DLGAP2: variants seen among roughly 807,000 people sequenced by gnomAD.
DLGAP2 encodes the protein disks large-associated protein 2.
In DLGAP2, 26 loss-of-function variants were observed where a neutral mutation model predicts 100.3. The ratio of observed to expected loss-of-function variants is 0.26; its 90% CI spans 0.19 to 0.36. DLGAP2 has a LOEUF of 0.36. DLGAP2 is among the 10% of genes least tolerant of loss of function. The pLI, the probability that DLGAP2 is intolerant of heterozygous loss-of-function variation, is 1.00. For synonymous variants in DLGAP2, 886 were observed against 630.1 expected (o/e 1.41, Z -6.08); for missense variants, 1,858 against 1,453.2 (o/e 1.28, Z -4.53).
chr8:1,554,378 G>A (rs140930250), intron 5 of DLGAP2, among the ~76,000 whole-genome samples: 15 of 152,320 alleles, frequency 9.8e-5, no homozygotes, highest in African/African-American at 3.6e-4. Flanking sequence ...CTTTCTGCCC[G>A]ATCTGGGGTG....
intron 4 of DLGAP2, among the ~76,000 whole-genome samples, chr8:1,538,573 A>G (rs1801234240): frequency 6.6e-6 from 1 of 152,202 alleles, no homozygotes; most frequent in Admixed American, 6.5e-5. Context: ...CTGTGCAGGT[A>G]CAGAACAGAT....
intron 3 of DLGAP2, among the ~76,000 whole-genome samples, chr8:1,286,039 G>C (rs1375023054): frequency 6.6e-6 from 1 of 152,170 alleles, no homozygotes; most frequent in East Asian, 1.9e-4. Context: ...GTTTGGATCT[G>C]TGACTGCACC....
chr8:1,409,074 A>G (rs1393624781), intron 3 of DLGAP2, among the ~76,000 whole-genome samples: 6 of 152,034 alleles, frequency 3.9e-5, no homozygotes, highest in Admixed American at 3.9e-4. Flanking sequence ...TCCTCACTGT[A>G]GCAGGCGCCC....
At chr8:1,292,968 C>A (rs559787286) in intron 3 of DLGAP2, among the ~76,000 whole-genome samples, 1 of 152,272 alleles carries the variant, frequency 6.6e-6, no homozygotes, top group East Asian at 1.9e-4. Context: ...TCCGTCTCCC[C>A]CAGAGCACAA....
At chr8:1,173,886 A>C (rs1448386404) in intron 2 of DLGAP2, among the ~76,000 whole-genome samples, 1 of 152,208 alleles carries the variant, frequency 6.6e-6, no homozygotes, top group African/African-American at 2.4e-5. Context: ...GCACGCACCC[A>C]CTGACCTGCG....
chr8:983,539 C>T (rs1800401088), intron 2 of DLGAP2, among the ~76,000 whole-genome samples: 2 of 152,226 alleles, frequency 1.3e-5, no homozygotes, highest in South Asian at 2.1e-4. Context: ...CTTCATCGTA[C>T]ATACCCTGGA....
chr8:785,773 TCC>T lies in DLGAP2; in HGVS notation c.18+47951_18+47952del, dbSNP rs1339257722. Among the ~76,000 whole-genome samples, 10 of 24,220 alleles carry T rather than the reference TCC, an allele frequency of 4.1e-4. 1 individual carries two copies. The highest frequency in any genetic ancestry group is 2.7e-3 in the East Asian group (1 of 364). 15.9% of individuals were successfully genotyped at this position (24,220 alleles called of 152,430 possible). A position where few individuals can be genotyped will look rare whatever the true frequency, so the allele number is the denominator to read the frequency against. The stretch of plus-strand genomic sequence containing the variant: ...GCCCCTCTGAGACCGGCCTCCCTCC[TCC>T]CCTCAGGCCCCTCTGAGACCGGCCT... On this transcript the variant is annotated intron_variant, in intron 1 of 14. Coordinates refer to ENST00000637795, the MANE Select transcript of DLGAP2 (RefSeq NM_001346810.2).
intron 3 of DLGAP2, among the ~76,000 whole-genome samples, chr8:1,290,933 A>G (rs754418408): frequency 1.1e-4 from 16 of 152,206 alleles, no homozygotes; most frequent in Non-Finnish European, 1.6e-4. Flanking sequence ...TGTTAAGGAC[A>G]TTCACAATAT....
intron 5 of DLGAP2, among the ~76,000 whole-genome samples, chr8:1,561,411 G>C (rs901922715): frequency 6.6e-6 from 1 of 152,150 alleles, no homozygotes; most frequent in Non-Finnish European, 1.5e-5. Context: ...CCCGGCTGGA[G>C]AGCACCACAG....
At position 1,708,370 on chromosome 8, in the gene DLGAP2, A is replaced by T; in HGVS notation, c.*6964A>T. On this transcript the variant is annotated 3_prime_UTR_variant, in exon 15 of 15. Coordinates refer to ENST00000637795, the MANE Select transcript of DLGAP2 (RefSeq NM_001346810.2). The stretch of plus-strand genomic sequence containing the variant: ...GTTGAAATATCCTCAATTTCTCTAT[A>T]TTTTAAGAAGTAATGGACATTTATT... The T allele has an allele frequency of 6.6e-6, 1 of 152,180 alleles. No individual in the cohort carries two copies. The highest frequency in any genetic ancestry group is 1.9e-4 in the East Asian group (1 of 5,196). The allele number at this position is 152,180 out of a possible 1,614,324, so 9.4% of individuals were successfully genotyped here. A position where few individuals can be genotyped will look rare whatever the true frequency, so the allele number is the denominator to read the frequency against.
At chr8:795,876 A>G (rs113371987) in intron 1 of DLGAP2, among the ~76,000 whole-genome samples, 1,369 of 75,100 alleles carry the variant, frequency 0.018, 164 homozygotes, top group Middle Eastern at 0.031. Flanking sequence ...GCAGGCGTCC[A>G]GTGAGAGCAG....
intron 3 of DLGAP2, among the ~76,000 whole-genome samples, chr8:1,497,694 A>G (rs1195103366): frequency 6.6e-6 from 1 of 152,224 alleles, no homozygotes; most frequent in African/African-American, 2.4e-5. Flanking sequence ...CCAGGCGAAC[A>G]GGGTTCTTGC....
At chr8:1,433,139 G>GC (rs1797505270) in intron 3 of DLGAP2, among the ~76,000 whole-genome samples, 1 of 152,186 alleles carries the variant, frequency 6.6e-6, no homozygotes, top group African/African-American at 2.4e-5. Flanking sequence ...AGGGGAGGAA[G>GC]CCCCCGCCAT....
At chr8:1,390,240 G>C (rs2129807297) in intron 3 of DLGAP2, among the ~76,000 whole-genome samples, 1 of 152,238 alleles carries the variant, frequency 6.6e-6, no homozygotes, top group South Asian at 2.1e-4. Flanking sequence ...AACCAGATGG[G>C]AGCCTCTCAT....
At chr8:969,146 TG>T (rs746971484) in intron 2 of DLGAP2, among the ~76,000 whole-genome samples, 2 of 152,136 alleles carry the variant, frequency 1.3e-5, no homozygotes, top group Non-Finnish European at 2.9e-5. Flanking sequence ...CCAGGGGGGA[TG>T]GGCTCACGCA....
At chr8:1,056,269 C>T (rs1047700936) in intron 2 of DLGAP2, among the ~76,000 whole-genome samples, 1 of 152,214 alleles carries the variant, frequency 6.6e-6, no homozygotes, top group Non-Finnish European at 1.5e-5. Context: ...GGCCTCTCCA[C>T]TCGTGGCATC....
At chr8:1,596,449 C>T (rs768612674) in intron 6 of DLGAP2, among the ~76,000 whole-genome samples, 5 of 152,216 alleles carry the variant, frequency 3.3e-5, no homozygotes, top group East Asian at 1.9e-4. Context: ...AATCACCACA[C>T]GGTCTTCCAG....
At chr8:1,635,514 G>A (rs1017536924) in intron 8 of DLGAP2, among the ~76,000 whole-genome samples, 2 of 152,344 alleles carry the variant, frequency 1.3e-5, no homozygotes, top group Middle Eastern at 3.4e-3. Context: ...GTGTGCGTGT[G>A]TGGTGTATGG....
At chr8:977,561 T>C (rs1485989091) in intron 2 of DLGAP2, among the ~76,000 whole-genome samples, 2 of 152,250 alleles carry the variant, frequency 1.3e-5, no homozygotes, top group Non-Finnish European at 2.9e-5. Context: ...TTTGAACTCA[T>C]GCCTCCTTGC....
Sources: allele counts gnomAD v4.1 joint callset (sites outside exome capture counted in the v4.1 genomes callset), GRCh38; gene constraint gnomAD v4.1.1; transcripts MANE v1.5; gene names NCBI Gene and HGNC (gene_info 2026-07-23, HGNC 2026-07-21).